Variants in MRTFA observed in about 807,000 individuals in gnomAD.
The protein encoded by MRTFA is myocardin-related transcription factor A.
A neutral mutation model predicts 83.5 loss-of-function variants in MRTFA; 20 were observed. That is an observed-to-expected ratio of 0.24 (90% confidence interval 0.17 to 0.35). The LOEUF is 0.35. MRTFA is among the 10% of genes least tolerant of loss of function. The pLI is 1.00. For synonymous variants in MRTFA, 659 were observed against 541.2 expected (o/e 1.22, Z -3.02); for missense variants, 1,200 against 1,224.7 (o/e 0.98, Z 0.30).
At chr22:40,566,307 A>G (rs2055702351) in intron 2 of MRTFA, among the ~76,000 whole-genome samples, 1 of 148,808 alleles carries the variant, frequency 6.7e-6, no homozygotes, top group Non-Finnish European at 1.5e-5. Flanking sequence ...TGCAGCCTCC[A>G]CCTCTTGGGT....
intron 7 of MRTFA, among the ~76,000 whole-genome samples, chr22:40,425,796 T>C (rs1267849688): frequency 6.6e-6 from 1 of 152,198 alleles, no homozygotes; most frequent in Non-Finnish European, 1.5e-5. Flanking sequence ...GTGGAGGAAC[T>C]GTAGCTTCCC....
chr22:40,437,451 G>C (rs1289288109), intron 4 of MRTFA, among the ~76,000 whole-genome samples: 1 of 152,110 alleles, frequency 6.6e-6, no homozygotes, highest in African/African-American at 2.4e-5. Flanking sequence ...TCACTGTCTT[G>C]ACAGTCTTTA....
intron 1 of MRTFA, among the ~76,000 whole-genome samples, chr22:40,616,306 C>T (rs1725953520): frequency 1.3e-5 from 2 of 152,164 alleles, no homozygotes; most frequent in Admixed American, 1.3e-4. Context: ...TCATTTAAGG[C>T]ACCTGCTTGG....
Position 40,562,760 on chromosome 22 carries a change from G to A in MRTFA, c.-21-10393C>T, listed in dbSNP as rs201067226. On this transcript the variant is annotated intron_variant, in intron 2 of 14. Transcript: ENST00000355630. Reference sequence around the variant, plus strand: ...GGGAAGGGGGAACGGACGGAGGGGGGAATGGAGGGAGGGAGGGAAACATGG... The same window carrying A: ...GGGAAGGGGGAACGGACGGAGGGGGAAATGGAGGGAGGGAGGGAAACATGG... 1.0e-3 allele frequency among the ~76,000 whole-genome samples: 78 copies of A among 75,668 alleles called. 3 individuals carry two copies. The East Asian group carries it at 0.039, about 37-fold the overall frequency. 49.6% of individuals were successfully genotyped at this position (75,668 alleles called of 152,430 possible). A position where few individuals can be genotyped will look rare whatever the true frequency, so the allele number is the denominator to read the frequency against.
At chr22:40,554,675 T>C (rs1397589346) in intron 2 of MRTFA, among the ~76,000 whole-genome samples, 1 of 152,232 alleles carries the variant, frequency 6.6e-6, no homozygotes, top group Admixed American at 6.5e-5. Context: ...AACAGACTAA[T>C]AGACACGGAC....
chr22:40,445,814 C>T (rs544803124), intron 4 of MRTFA, among the ~76,000 whole-genome samples: 2 of 152,324 alleles, frequency 1.3e-5, no homozygotes, highest in African/African-American at 4.8e-5. Flanking sequence ...TCCCAAATTG[C>T]TGGGATTACA....
intron 2 of MRTFA, among the ~76,000 whole-genome samples, chr22:40,589,355 CA>C (rs1194556862): frequency 3.3e-5 from 5 of 152,174 alleles, no homozygotes; most frequent in Non-Finnish European, 7.3e-5. Flanking sequence ...CTGTGACCAA[CA>C]AAAGTGCCAA....
chr22:40,536,051 G>C (rs148161217), intron 3 of MRTFA, among the ~76,000 whole-genome samples: 72 of 151,612 alleles, frequency 4.7e-4, no homozygotes, highest in Admixed American at 2.9e-3. Flanking sequence ...ACTTACTTTC[G>C]TAGGCCAAAC....
intron 14 of MRTFA, 92 bp from the exon 15 acceptor site, chr22:40,411,999 C>A: frequency 9.0e-7 from 1 of 1,110,394 alleles, no homozygotes; most frequent in Non-Finnish European, 1.2e-6. Context: ...CAACGTCACA[C>A]CATTTACAAA....
intron 3 of MRTFA, among the ~76,000 whole-genome samples, chr22:40,494,018 A>G (rs879852854): frequency 1.3e-5 from 2 of 152,228 alleles, no homozygotes; most frequent in African/African-American, 4.8e-5. Flanking sequence ...TTGATAGTCT[A>G]AAGTGGGAGA....
intron 3 of MRTFA, among the ~76,000 whole-genome samples, chr22:40,524,960 A>G (rs2054940061): frequency 6.6e-6 from 1 of 152,124 alleles, no homozygotes; most frequent in Non-Finnish European, 1.5e-5. Flanking sequence ...AGCATGGGCC[A>G]CCACACCCAG....
intron 3 of MRTFA, among the ~76,000 whole-genome samples, chr22:40,518,437 A>AC (rs2054797992): frequency 1.3e-5 from 2 of 151,396 alleles, no homozygotes; most frequent in South Asian, 4.2e-4. Context: ...AAAAAAAAAA[A>AC]CAAAACCTAC....
At chr22:40,572,181 T>C (rs2055806111) in intron 2 of MRTFA, among the ~76,000 whole-genome samples, 1 of 152,152 alleles carries the variant, frequency 6.6e-6, no homozygotes. Flanking sequence ...AGTAGATTAG[T>C]AGTTCTTTGG....
At chr22:40,443,930 T>C (rs2053328807) in intron 4 of MRTFA, among the ~76,000 whole-genome samples, 1 of 152,114 alleles carries the variant, frequency 6.6e-6, no homozygotes, top group Non-Finnish European at 1.5e-5. Flanking sequence ...TGCCCAGTGG[T>C]AACAGCATGC....
At chr22:40,586,141 GTAAT>G (rs1463232996) in intron 2 of MRTFA, among the ~76,000 whole-genome samples, 1 of 151,926 alleles carries the variant, frequency 6.6e-6, no homozygotes, top group African/African-American at 2.4e-5. Flanking sequence ...GAAGTTGAGA[GTAAT>G]TATTTTTTTT....
chr22:40,539,063 C>A (rs183202768), intron 3 of MRTFA, among the ~76,000 whole-genome samples: 3 of 141,760 alleles, frequency 2.1e-5, no homozygotes, highest in Non-Finnish European at 4.5e-5. Context: ...GGCACAATCT[C>A]GGCTCACTGC....
At chr22:40,575,808 T>A (rs1404818872) in intron 2 of MRTFA, among the ~76,000 whole-genome samples, 1 of 152,142 alleles carries the variant, frequency 6.6e-6, no homozygotes, top group Non-Finnish European at 1.5e-5. Context: ...CTGCAATTAT[T>A]TTTTTGCCAA....
chr22:40,474,277 A>G (rs1350365244), intron 3 of MRTFA, among the ~76,000 whole-genome samples: 1 of 152,218 alleles, frequency 6.6e-6, no homozygotes, highest in African/African-American at 2.4e-5. Context: ...GTTGTGATCA[A>G]TATTTTACAG....
At chr22:40,491,363 A>G (rs1462504096) in intron 3 of MRTFA, among the ~76,000 whole-genome samples, 1 of 152,036 alleles carries the variant, frequency 6.6e-6, no homozygotes, top group African/African-American at 2.4e-5. Context: ...CAAAACCAAG[A>G]CTATGAAGGA....
Sources: gnomAD v4.1 joint callset for allele counts (sites outside exome capture counted in the v4.1 genomes callset) on GRCh38, gnomAD v4.1.1 for gene constraint, MANE v1.5 for transcripts, NCBI Gene and HGNC (gene_info 2026-07-23, HGNC 2026-07-21) for gene names.